Variants in JPH1 observed in about 807,000 individuals in gnomAD.
JPH1 encodes the protein junctophilin 1, also known as junctophilin-1.
A neutral mutation model predicts 53.6 loss-of-function variants in JPH1; 12 were observed. That is an observed-to-expected ratio of 0.22 (90% CI 0.14 to 0.36). The LOEUF (loss-of-function observed/expected upper bound fraction) is 0.36. Ranked by LOEUF, JPH1 falls within the 10% of genes least tolerant of loss-of-function variation. JPH1 has a pLI of 1.00. For missense variants in JPH1, 808 were observed against 905.5 expected (o/e 0.89, Z 1.38); for synonymous variants, 375 against 363.8 (o/e 1.03, Z -0.35).
At chr8:74,308,062 C>A (rs571658043) in intron 2 of JPH1, among the ~76,000 whole-genome samples, 22 of 152,308 alleles carry the variant, frequency 1.4e-4, no homozygotes, top group African/African-American at 4.3e-4. Flanking sequence ...AAATGATATT[C>A]TTTGAGTCTA....
chr8:74,253,876 G>A (rs1806141063), intron 3 of JPH1, among the ~76,000 whole-genome samples: 1 of 151,960 alleles, frequency 6.6e-6, no homozygotes, highest in Admixed American at 6.6e-5. Flanking sequence ...ACCAATAACA[G>A]GAGCTGAAAT....
At chr8:74,262,671 T>C (rs1806425694) in intron 2 of JPH1, among the ~76,000 whole-genome samples, 1 of 152,230 alleles carries the variant, frequency 6.6e-6, no homozygotes, top group Admixed American at 6.5e-5. Flanking sequence ...GCATCAGCTG[T>C]TGACTTTCTT....
intron 2 of JPH1, among the ~76,000 whole-genome samples, chr8:74,277,595 T>C (rs868572437): frequency 3.3e-4 from 51 of 152,330 alleles, no homozygotes; most frequent in African/African-American, 1.2e-3. Flanking sequence ...TGCCTGGATG[T>C]GAATCAGCTC....
At chr8:74,247,675 T>G (rs192452865) in intron 3 of JPH1, among the ~76,000 whole-genome samples, 4 of 152,316 alleles carry the variant, frequency 2.6e-5, no homozygotes, top group Admixed American at 1.3e-4. Context: ...ACAAAGCCCA[T>G]GCATTTCACT....
intron 2 of JPH1, among the ~76,000 whole-genome samples, chr8:74,311,775 G>GT (rs1380826128): frequency 6.7e-6 from 1 of 149,102 alleles, no homozygotes; most frequent in East Asian, 2.0e-4. Flanking sequence ...GTGGTGTTTG[G>GT]TTTTTTGTCC....
chr8:74,320,864 C>T lies in JPH1; in HGVS notation c.379+45G>A. ...TCCCCGCAGCCGGGGCAGAGCCCAC[C>T]GCACCAGCTCGCGGAGCAGCCGAGC... On this transcript the variant is annotated intron_variant, in intron 1 of 5. Coordinates refer to ENST00000342232, the MANE Select transcript of JPH1 (RefSeq NM_020647.4). The surrounding 1 kb of genome is among the most constrained non-coding windows in gnomAD (Gnocchi z 4.4). The T allele has an allele frequency of 6.8e-7, 1 of 1,471,676 alleles. No individual in the cohort carries two copies. The highest frequency in any genetic ancestry group is 1.5e-5 in the African/African-American group (1 of 68,166). 91.2% of individuals were successfully genotyped at this position (1,471,676 alleles called of 1,614,324 possible).
Position 74,315,683 on chromosome 8 carries a change from T to G in JPH1, c.380-63A>C. ...CAGAGCTGCACCGTCACCTGCACCATCCAGCGCACACTGGCGCAGGCCTGC... is the reference window on the plus strand; with the variant it reads ...CAGAGCTGCACCGTCACCTGCACCAGCCAGCGCACACTGGCGCAGGCCTGC... On this transcript the variant is annotated intron_variant, in intron 1 of 5. Transcript: ENST00000342232. The surrounding 1 kb of genome is among the most constrained non-coding windows in gnomAD (Gnocchi z 6.3). The G allele has an allele frequency of 6.8e-7, 1 of 1,477,162 alleles. No individual in the cohort carries two copies. The highest frequency in any genetic ancestry group is 9.0e-7 in the Non-Finnish European group (1 of 1,105,750). 91.5% of individuals were successfully genotyped at this position (1,477,162 alleles called of 1,614,324 possible). A position where few individuals can be genotyped will look rare whatever the true frequency, so the allele number is the denominator to read the frequency against.
At chr8:74,301,332 AAACCTTGGGAATTTTGTTTCTT>A (rs1461534562) in intron 2 of JPH1, among the ~76,000 whole-genome samples, 1 of 152,186 alleles carries the variant, frequency 6.6e-6, no homozygotes, top group Non-Finnish European at 1.5e-5. Context: ...TGCAGCTCCC[AAACCTTGGGAATTTTGTTTCTT>A]ATCATATCCT....
chr8:74,278,173 C>G (rs1806904594), intron 2 of JPH1, among the ~76,000 whole-genome samples: 1 of 152,150 alleles, frequency 6.6e-6, no homozygotes, highest in Non-Finnish European at 1.5e-5. Context: ...TTTTCTCATG[C>G]TGTTCTCGTG....
At chr8:74,253,463 T>C (rs1157885952) in intron 3 of JPH1, among the ~76,000 whole-genome samples, 1 of 152,032 alleles carries the variant, frequency 6.6e-6, no homozygotes, top group African/African-American at 2.4e-5. Flanking sequence ...ATTGACACCC[T>C]AACATCACAA....
At chr8:74,272,758 C>T (rs1431851170) in intron 2 of JPH1, among the ~76,000 whole-genome samples, 2 of 152,106 alleles carry the variant, frequency 1.3e-5, no homozygotes, top group Non-Finnish European at 1.5e-5. Context: ...CGCGCGCCAC[C>T]ATGCCCGGCT....
chr8:74,262,557 T>TA (rs1379076514), intron 2 of JPH1, among the ~76,000 whole-genome samples: 1 of 152,204 alleles, frequency 6.6e-6, no homozygotes, highest in Admixed American at 6.5e-5. Flanking sequence ...TGTGACATTT[T>TA]ACAAATCTTC....
rs546380736 is a variant in JPH1 at position 74,250,678 on chromosome 8, G to C, written c.1259-5503C>G. On this transcript the variant is annotated intron_variant, in intron 3 of 5. Coordinates refer to ENST00000342232, the MANE Select transcript of JPH1 (RefSeq NM_020647.4). ...TTAGTGCATTTTATGTGTGGCCCAA[G>C]ACAATTCTTCTTCTTCTTATGTGGC... Among the ~76,000 whole-genome samples the C allele has an allele frequency of 2.6e-5, 4 of 152,306 alleles. No individual in the cohort carries two copies. The South Asian group carries it at 8.3e-4, about 32-fold the overall frequency.
intron 2 of JPH1, among the ~76,000 whole-genome samples, chr8:74,286,211 G>A (rs896124483): frequency 6.6e-6 from 1 of 152,008 alleles, no homozygotes; most frequent in Non-Finnish European, 1.5e-5. Flanking sequence ...AAGTCTTTCC[G>A]ATGCAACTGT....
chr8:74,288,437 T>C (rs773650013), intron 2 of JPH1, among the ~76,000 whole-genome samples: 3 of 152,270 alleles, frequency 2.0e-5, no homozygotes, highest in Admixed American at 1.3e-4. Flanking sequence ...ATGAACTAGA[T>C]TGATGAACGA....
chr8:74,239,461 G>A (rs748489251), intron 4 of JPH1, among the ~76,000 whole-genome samples: 1 of 152,102 alleles, frequency 6.6e-6, no homozygotes, highest in Non-Finnish European at 1.5e-5. Context: ...ACATCAAATT[G>A]TGATAACGAC....
In JPH1 at chr8:74,235,425, T is replaced by G. The variant is rs1046946250; in HGVS notation, c.*1626A>C. On this transcript the variant is annotated 3_prime_UTR_variant, in exon 6 of 6. Transcript: ENST00000342232. ...TACTACCCTGCAGGTGACAAAGCAC[T>G]CAGTCCACATCTGTGCTAACCAGGG... The G allele has an allele frequency of 9.8e-5, 15 of 152,594 alleles. No homozygotes were observed. Among genetic ancestry groups the G allele is most frequent in the African/African-American group, 3.4e-4 (14 of 41,524 alleles). The allele number at this position is 152,594 out of a possible 1,614,324, so 9.5% of individuals were successfully genotyped here.
intron 3 of JPH1, among the ~76,000 whole-genome samples, chr8:74,257,327 C>T (rs1806268054): frequency 6.6e-6 from 1 of 152,170 alleles, no homozygotes; most frequent in African/African-American, 2.4e-5. Context: ...AATGCTTTTA[C>T]ACCAGAAAAG....
In JPH1 at chr8:74,315,106, G is replaced by A. The variant is rs746119159; in HGVS notation, c.894C>T (p.Arg298=). The change falls in exon 2 of 6, where the codon CGC becomes CGT. Residue 298 remains arginine (R), a synonymous_variant. Transcript: ENST00000342232. This position sits in a 1 kb window ranked among gnomAD's most constrained non-coding sequence, Gnocchi z 6.3. ...DKRNGFGVSE[R]SNGMKYEGEW... is the part of the protein sequence containing the mutation. Reference sequence around the variant, plus strand: ...CCCCTTCATACTTCATGCCATTGGAGCGCTCGCTAACGCCGAAGCCGTTGC... The same window carrying A: ...CCCCTTCATACTTCATGCCATTGGAACGCTCGCTAACGCCGAAGCCGTTGC... 2 of 1,614,212 alleles carry A rather than the reference G, an allele frequency of 1.2e-6. No homozygotes were observed. The highest frequency in any genetic ancestry group is 1.7e-5 in the Admixed American group (1 of 60,036).
Sources: allele counts gnomAD v4.1 joint callset (sites outside exome capture counted in the v4.1 genomes callset), GRCh38; gene constraint gnomAD v4.1.1; non-coding constraint Gnocchi (gnomAD v3.1); transcripts MANE v1.5; gene names NCBI Gene and HGNC (gene_info 2026-07-23, HGNC 2026-07-21).